CSMD1: variants seen among roughly 807,000 people sequenced by gnomAD.
CSMD1 encodes CUB and Sushi multiple domains 1.
A neutral mutation model predicts 417.5 loss-of-function variants in CSMD1; 213 were observed. The ratio of observed to expected loss-of-function variants is 0.51; its 90% CI spans 0.46 to 0.57. The LOEUF is 0.57. Among genes scored for constraint, CSMD1 ranks in the 20% least tolerant of loss-of-function variants. The pLI, the probability that CSMD1 is intolerant of heterozygous loss-of-function variation, is 0.00. For missense variants in CSMD1, 6,923 were observed against 4,529.7 expected (o/e 1.53, Z -15.17); for synonymous variants, 2,862 against 1,736.8 (o/e 1.65, Z -16.11).
At chr8:3,331,992 C>T (rs984618869) in intron 23 of CSMD1, among the ~76,000 whole-genome samples, 1 of 152,054 alleles carries the variant, frequency 6.6e-6, no homozygotes, top group Non-Finnish European at 1.5e-5. Context: ...ATAATTGCCT[C>T]GTCAATCAGT....
intron 2 of CSMD1, among the ~76,000 whole-genome samples, chr8:4,521,251 G>T (rs895153328): frequency 6.6e-6 from 1 of 152,102 alleles, no homozygotes; most frequent in Admixed American, 6.6e-5. Flanking sequence ...TAGTCATAGT[G>T]TCATGGGGTC....
At chr8:3,531,542 C>T (rs752889121) in intron 10 of CSMD1, among the ~76,000 whole-genome samples, 36 of 152,168 alleles carry the variant, frequency 2.4e-4, no homozygotes, top group Non-Finnish European at 4.7e-4. Flanking sequence ...GGGAGGCAGC[C>T]AGAAGTTCTG....
intron 3 of CSMD1, among the ~76,000 whole-genome samples, chr8:4,196,114 G>A (rs894266610): frequency 1.4e-4 from 22 of 152,256 alleles, no homozygotes; most frequent in East Asian, 9.7e-4. Context: ...GGGAGACTGA[G>A]GCAGGAGAAT....
At chr8:3,619,007 G>A (rs1252889525) in intron 7 of CSMD1, among the ~76,000 whole-genome samples, 3 of 152,164 alleles carry the variant, frequency 2.0e-5, no homozygotes, top group Admixed American at 2.0e-4. Flanking sequence ...CTGGCTAGCA[G>A]CCATGAAAGG....
chr8:4,545,136 T>C (rs1477329850), intron 2 of CSMD1, among the ~76,000 whole-genome samples: 3 of 152,192 alleles, frequency 2.0e-5, no homozygotes, highest in African/African-American at 4.8e-5. Flanking sequence ...GCACAGGTTT[T>C]AAAGTGAAAC....
chr8:3,721,685 T>TAA (rs761212258), intron 6 of CSMD1, among the ~76,000 whole-genome samples: 38 of 152,346 alleles, frequency 2.5e-4, no homozygotes, highest in South Asian at 1.0e-3. Flanking sequence ...AGAGCTTCTT[T>TAA]AATTTCATTA....
chr8:3,359,340 T>A lies in CSMD1; in HGVS notation c.3116A>T (p.Glu1039Val), dbSNP rs1809003728. ...ATCATCACATGGCTCCAGGTCATAT[T>A]CTGAGGCATGCAGAGACAGAGTAAA... ...SYEGFNITFS[E>V]YDLEPCDDPG... Residue 1039 changes from glutamate to valine, a missense_variant and splice_region_variant, in exon 21 of 70, where the codon GAA (glutamate) becomes GTA (valine). By Grantham distance (121) the Glu-to-Val change is moderately radical (BLOSUM62 -2). Coordinates refer to ENST00000635120, the MANE Select transcript of CSMD1 (RefSeq NM_033225.6). 2 of 1,613,006 alleles carry A rather than the reference T, an allele frequency of 1.2e-6. No individual in the cohort carries two copies. Among genetic ancestry groups the A allele is most frequent in the African/African-American group, 1.3e-5 (1 of 74,882 alleles).
At chr8:4,553,534 T>C (rs964912022) in intron 2 of CSMD1, among the ~76,000 whole-genome samples, 2 of 152,100 alleles carry the variant, frequency 1.3e-5, no homozygotes, top group African/African-American at 2.4e-5. Context: ...ATGTTCTTTA[T>C]GTGATTTTTT....
At chr8:4,451,019 G>T (rs1006162683) in intron 2 of CSMD1, among the ~76,000 whole-genome samples, 2 of 100,482 alleles carry the variant, frequency 2.0e-5, no homozygotes, top group Non-Finnish European at 4.1e-5. Context: ...GACCAACGTG[G>T]GGAAAAAAAA....
chr8:4,515,384 G>A (rs1803059420), intron 2 of CSMD1, among the ~76,000 whole-genome samples: 1 of 152,122 alleles, frequency 6.6e-6, no homozygotes, highest in Admixed American at 6.5e-5. Flanking sequence ...GATGTTAAAT[G>A]TTATGGGACC....
At chr8:4,432,590 C>G (rs1375147133) in intron 2 of CSMD1, among the ~76,000 whole-genome samples, 2 of 152,136 alleles carry the variant, frequency 1.3e-5, no homozygotes, top group Non-Finnish European at 2.9e-5. Flanking sequence ...GTAAAGCTCA[C>G]TCCTTTTGCA....
At position 3,828,393 on chromosome 8, in the gene CSMD1, G is replaced by A. The variant is rs540918112; in HGVS notation, c.819-74351C>T. On this transcript the variant is annotated intron_variant, in intron 5 of 69. Transcript: ENST00000635120. The stretch of plus-strand genomic sequence containing the variant: ...GAATATTTAGTTTTGAGGAAACTGC[G>A]TTACCATATTGTCATATTGCAACAG... Among the ~76,000 whole-genome samples the A allele has an allele frequency of 9.9e-5, 15 of 152,116 alleles. No homozygotes were observed. In the South Asian group the frequency reaches 1.0e-3, roughly 11 times the overall value.
intron 3 of CSMD1, among the ~76,000 whole-genome samples, chr8:4,327,077 G>C (rs1020978222): frequency 1.3e-5 from 2 of 152,112 alleles, no homozygotes; most frequent in South Asian, 2.1e-4. Flanking sequence ...TAAGAGATGA[G>C]GTTGTAGCAT....
chr8:4,964,451 C>T (rs1441691478), intron 1 of CSMD1, among the ~76,000 whole-genome samples: 3 of 124,382 alleles, frequency 2.4e-5, no homozygotes, highest in African/African-American at 9.4e-5. Context: ...CCCAGGAGGT[C>T]GAGGCTGCAG....
intron 12 of CSMD1, among the ~76,000 whole-genome samples, chr8:3,466,176 A>T (rs1488824790): frequency 6.6e-6 from 1 of 152,266 alleles, no homozygotes; most frequent in East Asian, 1.9e-4. Context: ...TTTTTCAATA[A>T]AATTATGAAG....
intron 3 of CSMD1, among the ~76,000 whole-genome samples, chr8:4,095,416 A>G (rs368896681): frequency 7.2e-5 from 11 of 152,238 alleles, no homozygotes; most frequent in African/African-American, 2.7e-4. Context: ...AAAAATGACA[A>G]TAGTGCAGCT....
At chr8:3,955,038 C>T (rs1182446424) in intron 5 of CSMD1, among the ~76,000 whole-genome samples, 1 of 152,192 alleles carries the variant, frequency 6.6e-6, no homozygotes, top group East Asian at 1.9e-4. Context: ...GCTAATTTAT[C>T]ATTTTCAAAG....
intron 50 of CSMD1, among the ~76,000 whole-genome samples, chr8:3,050,800 G>A (rs1811770332): frequency 6.6e-6 from 1 of 152,114 alleles, no homozygotes; most frequent in Non-Finnish European, 1.5e-5. Flanking sequence ...TAAGTATATG[G>A]ATATAAGTTA....
chr8:3,708,554 T>A (rs977735714), intron 6 of CSMD1, 63 bp from the exon 7 acceptor site: 1 of 1,383,636 alleles, frequency 7.2e-7, no homozygotes, highest in East Asian at 2.3e-5. Context: ...CCATGTTGTA[T>A]CCACACAGCA....
Sources: allele counts gnomAD v4.1 joint callset (sites outside exome capture counted in the v4.1 genomes callset), GRCh38; gene constraint gnomAD v4.1.1; transcripts MANE v1.5; gene names NCBI Gene and HGNC (gene_info 2026-07-23, HGNC 2026-07-21).